The following FAAH2 variants were observed in gnomAD, a reference collection of about 807,000 sequenced individuals.
FAAH2 encodes fatty acid amide hydrolase 2, also known as fatty-acid amide hydrolase 2.
In FAAH2, 60 loss-of-function variants were observed where a neutral mutation model predicts 36.9. That is an observed-to-expected ratio of 1.63 (90% CI 1.32 to 2.02). The LOEUF (loss-of-function observed/expected upper bound fraction) is 2.02. FAAH2 is among the 30% of genes most tolerant of loss of function. FAAH2 has a pLI of 0.00. For missense variants in FAAH2, 689 were observed against 397.5 expected, an observed-to-expected ratio of 1.73 and a Z score of -6.23; for synonymous variants, 214 against 143.8, an observed-to-expected ratio of 1.49 and a Z score of -3.49.
the FAAH2 span, among the ~76,000 whole-genome samples, chrX:57,232,644 C>A: frequency 8.9e-6 from 1 of 112,162 alleles, no homozygotes; most frequent in Non-Finnish European, 1.9e-5. Context: ...TAGACATATT[C>A]AATTCTGTAT....
At chrX:57,481,804 T>C (rs1361855654) in intron 10 of FAAH2, among the ~76,000 whole-genome samples, 2 of 112,257 alleles carry the variant, frequency 1.8e-5, no homozygotes, top group African/African-American at 6.5e-5. Flanking sequence ...TTAGTTGTTC[T>C]CTTCAGAGCC....
intron 10 of FAAH2, among the ~76,000 whole-genome samples, chrX:57,463,045 C>A (rs2056988507): frequency 8.9e-6 from 1 of 111,794 alleles, no homozygotes; most frequent in Non-Finnish European, 1.9e-5. Flanking sequence ...CATGATTGAA[C>A]TCCTATTCAC....
intron 10 of FAAH2, among the ~76,000 whole-genome samples, chrX:57,453,963 C>T (rs142878241): frequency 1.8e-5 from 2 of 111,554 alleles, no homozygotes; most frequent in African/African-American, 6.5e-5. Context: ...CCTGAGGGAG[C>T]CCATGGACCA....
intron 7 of FAAH2, among the ~76,000 whole-genome samples, chrX:57,422,651 T>C (rs1312837248): frequency 8.9e-6 from 1 of 111,775 alleles, no homozygotes; most frequent in African/African-American, 3.3e-5. Flanking sequence ...GTTCACTCCA[T>C]TGTTCCTTCT....
At chrX:57,194,288 T>C in the FAAH2 span, among the ~76,000 whole-genome samples, 2 of 111,520 alleles carry the variant, frequency 1.8e-5, no homozygotes, top group Non-Finnish European at 3.8e-5. Flanking sequence ...CCATTTCTTC[T>C]ACATTTTTCA....
chrX:57,312,090 G>A (rs1321442736), intron 3 of FAAH2, among the ~76,000 whole-genome samples: 1 of 112,244 alleles, frequency 8.9e-6, no homozygotes, highest in Non-Finnish European at 1.9e-5. Context: ...GTACAGAATA[G>A]CTAATAAAAG....
chrX:57,189,438 G>C, the FAAH2 span, among the ~76,000 whole-genome samples: 1 of 109,469 alleles, frequency 9.1e-6, no homozygotes, highest in Non-Finnish European at 1.9e-5. Context: ...TGCTGGAGAG[G>C]AGTTGTGATC....
the FAAH2 span, among the ~76,000 whole-genome samples, chrX:57,225,141 C>T: frequency 9.2e-6 from 1 of 109,260 alleles, no homozygotes; most frequent in Non-Finnish European, 1.9e-5. Flanking sequence ...CAATTTCATG[C>T]AGTTCTTCTC....
intron 7 of FAAH2, among the ~76,000 whole-genome samples, chrX:57,428,532 A>G (rs146440374): frequency 8.9e-6 from 1 of 112,278 alleles, no homozygotes; most frequent in Non-Finnish European, 1.9e-5. Flanking sequence ...TGGTATTGGT[A>G]TAAAAATAGA....
intron 10 of FAAH2, among the ~76,000 whole-genome samples, chrX:57,459,840 G>T (rs978031308): frequency 9.0e-6 from 1 of 111,498 alleles, no homozygotes; most frequent in African/African-American, 3.3e-5. Flanking sequence ...CCCATCCAAA[G>T]GTCACCAGCC....
chrX:57,153,765 G>A, the FAAH2 span, among the ~76,000 whole-genome samples: 4 of 112,396 alleles, frequency 3.6e-5, no homozygotes, highest in African/African-American at 1.3e-4. Flanking sequence ...AGGTTACCTT[G>A]TACTTTTGCC....
intron 7 of FAAH2, among the ~76,000 whole-genome samples, chrX:57,425,408 G>A (rs1315396315): frequency 1.8e-5 from 2 of 111,107 alleles, no homozygotes; most frequent in Non-Finnish European, 3.8e-5. Flanking sequence ...ACTTACCATG[G>A]CATATAATAA....
the FAAH2 span, among the ~76,000 whole-genome samples, chrX:57,218,366 T>C: frequency 8.9e-6 from 1 of 112,041 alleles, no homozygotes; most frequent in South Asian, 3.7e-4. Flanking sequence ...TACATTAAGG[T>C]ATGTCCCTTG....
Position 57,378,686 on chromosome X carries a change from G to C in FAAH2, c.778G>C (p.Val260Leu), listed in dbSNP as rs1188427399. 4 of 1,209,295 alleles carry C rather than the reference G, an allele frequency of 3.3e-6. No individual in the cohort carries two copies. In the African/African-American group the frequency reaches 7.0e-5, roughly 21 times the overall value. ...VPNKGQFPLAVGAQELFLCTG... is the reference protein window; with the variant it reads ...VPNKGQFPLALGAQELFLCTG... ...CAACAAAGGTCAGTTTCCCTTGGCTGTGGGAGCCCAGGAGTTGTTTCTGTG... is the reference window on the plus strand; with the variant it reads ...CAACAAAGGTCAGTTTCCCTTGGCTCTGGGAGCCCAGGAGTTGTTTCTGTG... Residue 260 changes from valine (V) to leucine (L), a missense_variant, in exon 6 of 11, where the codon GTG becomes CTG. Coordinates refer to ENST00000374900, the MANE Select transcript of FAAH2 (RefSeq NM_174912.4).
chrX:57,474,982 C>T (rs143672606), intron 10 of FAAH2, among the ~76,000 whole-genome samples: 1,158 of 111,475 alleles, frequency 0.01, 6 homozygotes, highest in Non-Finnish European at 0.017. Context: ...ATCTGCTGGC[C>T]GTATAAATGT....
chrX:57,216,645 T>TGG, the FAAH2 span, among the ~76,000 whole-genome samples: 1 of 94,413 alleles, frequency 1.1e-5, no homozygotes, highest in Admixed American at 1.2e-4. Context: ...TACGTATATA[T>TGG]ATATACCAAA....
At chrX:57,482,709 A>ATTTTT (rs368783162) in intron 10 of FAAH2, among the ~76,000 whole-genome samples, 5 of 63,878 alleles carry the variant, frequency 7.8e-5, no homozygotes, top group East Asian at 5.3e-4. Context: ...CATTCCCTCA[A>ATTTTT]TTTTTTTTTT....
At chrX:57,189,703 T>C in the FAAH2 span, among the ~76,000 whole-genome samples, 2 of 111,718 alleles carry the variant, frequency 1.8e-5, no homozygotes, top group Non-Finnish European at 3.8e-5. Context: ...TTTGTTTGGG[T>C]ATCACCAGTG....
chrX:57,485,120 G>C, intron 10 of FAAH2, among the ~76,000 whole-genome samples: 1 of 111,974 alleles, frequency 8.9e-6, no homozygotes, highest in Non-Finnish European at 1.9e-5. Flanking sequence ...AGTCCCCAAA[G>C]TTGGAAAAAT....
Sources: gnomAD v4.1 joint callset for allele counts (sites outside exome capture counted in the v4.1 genomes callset) on GRCh38, gnomAD v4.1.1 for gene constraint, MANE v1.5 for transcripts, NCBI Gene and HGNC (gene_info 2026-07-23, HGNC 2026-07-21) for gene names.